GALNT2: variants seen among roughly 807,000 people sequenced by gnomAD.
The protein encoded by GALNT2 is polypeptide N-acetylgalactosaminyltransferase 2, also known as UDP-GalNAc:polypeptide N-acetylgalactosaminyltransferase 2.
In GALNT2, 31 loss-of-function variants were observed where a neutral mutation model predicts 81.4. That is an observed-to-expected ratio of 0.38 (90% CI 0.29 to 0.51). The LOEUF (loss-of-function observed/expected upper bound fraction) is 0.51. Ranked by LOEUF, GALNT2 falls within the 20% of genes least tolerant of loss-of-function variation. The probability of loss-of-function intolerance (pLI) is 0.87; values close to 1 mark genes in which losing one functional copy is unlikely to be tolerated. For synonymous variants in GALNT2, 303 were observed against 287.4 expected (o/e 1.05, Z -0.55); for missense variants, 629 against 765.7 (o/e 0.82, Z 2.11).
chr1:230,158,290 T>C (rs1476283087), intron 1 of GALNT2, among the ~76,000 whole-genome samples: 6 of 152,206 alleles, frequency 3.9e-5, no homozygotes, highest in African/African-American at 9.7e-5. Flanking sequence ...TGCAGTTCTC[T>C]AGTCTGTAGA....
chr1:230,197,750 CTGTG>C (rs143846573), intron 2 of GALNT2, among the ~76,000 whole-genome samples: 2 of 151,338 alleles, frequency 1.3e-5, no homozygotes, highest in East Asian at 1.9e-4. Flanking sequence ...ATTTTGTGCT[CTGTG>C]TGTGTGTGTG....
At chr1:230,235,872 C>A in intron 3 of GALNT2, 142 bp from the exon 4 acceptor site, 1 of 678,766 alleles carries the variant, frequency 1.5e-6, no homozygotes, top group Non-Finnish European at 2.5e-6. Context: ...CATCTCAGAA[C>A]AGGCCAGGAA....
Position 230,145,494 on chromosome 1 carries a change from A to C in GALNT2, c.127-32724A>C, listed in dbSNP as rs371791759. Among the ~76,000 whole-genome samples, 4 of 152,352 alleles carry C rather than the reference A, an allele frequency of 2.6e-5. No homozygotes were observed. The South Asian group carries it at 6.2e-4, about 24-fold the overall frequency. On this transcript the variant is annotated intron_variant, in intron 1 of 15. Transcript: ENST00000366672. ...CCCTCTGTTTTTGTTGTTATCACAT[A>C]CTGTAGGGATGGTTGTAATAAATAC...
intron 1 of GALNT2, among the ~76,000 whole-genome samples, chr1:230,111,417 CAT>C (rs1445388316): frequency 9.9e-5 from 15 of 152,248 alleles, no homozygotes; most frequent in South Asian, 2.1e-4. Flanking sequence ...TACAAACACA[CAT>C]GTGTATTTAC....
At chr1:230,086,689 G>T (rs1258908100) in intron 1 of GALNT2, among the ~76,000 whole-genome samples, 1 of 152,162 alleles carries the variant, frequency 6.6e-6, no homozygotes, top group Non-Finnish European at 1.5e-5. Context: ...TTTTGCTGCA[G>T]CCTGAATCTC....
At chr1:230,123,810 C>T (rs1661094587) in intron 1 of GALNT2, among the ~76,000 whole-genome samples, 1 of 152,142 alleles carries the variant, frequency 6.6e-6, no homozygotes, top group Non-Finnish European at 1.5e-5. Context: ...ACCTCATGAT[C>T]ATTGCCTTTG....
intron 14 of GALNT2, among the ~76,000 whole-genome samples, chr1:230,267,356 G>C (rs1485460462): frequency 6.6e-6 from 1 of 152,232 alleles, no homozygotes; most frequent in Non-Finnish European, 1.5e-5. Context: ...AAACAGAGGA[G>C]GCACCTGCTC....
intron 1 of GALNT2, among the ~76,000 whole-genome samples, chr1:230,167,760 G>A (rs1324734164): frequency 6.6e-6 from 1 of 152,130 alleles, no homozygotes; most frequent in East Asian, 1.9e-4. Flanking sequence ...CAGCCTGGCC[G>A]GCTGACGAGG....
At chr1:230,182,050 G>C (rs1663176419) in intron 2 of GALNT2, among the ~76,000 whole-genome samples, 1 of 152,118 alleles carries the variant, frequency 6.6e-6, no homozygotes, top group Admixed American at 6.5e-5. Context: ...ATTCCGTATT[G>C]TCCTTTTCAT....
chr1:230,154,135 A>G (rs1185075913), intron 1 of GALNT2, among the ~76,000 whole-genome samples: 3 of 152,226 alleles, frequency 2.0e-5, no homozygotes, highest in South Asian at 2.1e-4. Context: ...GCATATTGCC[A>G]TTGTGCAACG....
At chr1:230,270,455 G>A (rs997555639) in intron 14 of GALNT2, among the ~76,000 whole-genome samples, 1 of 152,204 alleles carries the variant, frequency 6.6e-6, no homozygotes, top group Non-Finnish European at 1.5e-5. Flanking sequence ...CAGCCACATT[G>A]TGGCAACTGG....
intron 1 of GALNT2, among the ~76,000 whole-genome samples, chr1:230,071,809 C>G (rs1248376432): frequency 1.3e-5 from 2 of 152,186 alleles, no homozygotes; most frequent in African/African-American, 2.4e-5. Context: ...ATAAACTTCT[C>G]TCTTTAAAGA....
At chr1:230,236,281 A>T (rs1025248489) in intron 4 of GALNT2, 72 bp from the exon 5 acceptor site, 1 of 1,502,646 alleles carries the variant, frequency 6.7e-7, no homozygotes, top group African/African-American at 1.4e-5. Flanking sequence ...AACATATGAG[A>T]ATTTTCTACC....
At chr1:230,185,091 A>C (rs1663280297) in intron 2 of GALNT2, among the ~76,000 whole-genome samples, 1 of 152,148 alleles carries the variant, frequency 6.6e-6, no homozygotes. Flanking sequence ...ATTCTTTCTC[A>C]TAATTTCCAT....
chr1:230,275,013 TATAC>T lies in GALNT2; in HGVS notation c.1560+453_1560+456del, dbSNP rs1666249694. On this transcript the variant is annotated intron_variant, in intron 15 of 15. Transcript: ENST00000366672. The surrounding 1 kb of genome is among the most constrained non-coding windows in gnomAD (Gnocchi z 5.5). ...TATATACATATATACATGCCACATA[TATAC>T]ATATATACACGCCACATATATACAC... Among the ~76,000 whole-genome samples the T allele has an allele frequency of 6.6e-6, 1 of 151,678 alleles. No individual in the cohort carries two copies. The highest frequency in any genetic ancestry group is 1.5e-5 in the Non-Finnish European group (1 of 67,894).
chr1:230,109,786 C>T (rs942669346), intron 1 of GALNT2, among the ~76,000 whole-genome samples: 13 of 151,416 alleles, frequency 8.6e-5, no homozygotes, highest in South Asian at 2.1e-4. Flanking sequence ...TGAGAGATCA[C>T]GCCATTGCCC....
At chr1:230,093,445 C>T (rs576072087) in intron 1 of GALNT2, among the ~76,000 whole-genome samples, 1 of 152,316 alleles carries the variant, frequency 6.6e-6, no homozygotes, top group South Asian at 2.1e-4. Context: ...AAACGATGGA[C>T]TGTAGCTAGC....
chr1:230,111,263 G>A (rs1243826495), intron 1 of GALNT2, among the ~76,000 whole-genome samples: 1 of 106,538 alleles, frequency 9.4e-6, no homozygotes, highest in African/African-American at 3.1e-5. Flanking sequence ...TTGTGCACAC[G>A]TGCACACTGC....
intron 2 of GALNT2, among the ~76,000 whole-genome samples, chr1:230,192,098 C>T (rs941473855): frequency 6.6e-6 from 1 of 152,204 alleles, no homozygotes; most frequent in Non-Finnish European, 1.5e-5. Context: ...GGCACTGCCA[C>T]CTGAAAGGGG....
Sources: allele counts gnomAD v4.1 joint callset (sites outside exome capture counted in the v4.1 genomes callset), GRCh38; gene constraint gnomAD v4.1.1; non-coding constraint Gnocchi (gnomAD v3.1); transcripts MANE v1.5; gene names NCBI Gene and HGNC (gene_info 2026-07-23, HGNC 2026-07-21).